The following AKT3 variants were observed in gnomAD, a reference collection of about 807,000 sequenced individuals.
AKT3 encodes the protein AKT serine/threonine kinase 3, also known as RAC-gamma serine/threonine-protein kinase.
In AKT3, 15 loss-of-function variants were observed where a neutral mutation model predicts 65.3. The ratio of observed to expected loss-of-function variants is 0.23; its 90% CI spans 0.15 to 0.35. The LOEUF (loss-of-function observed/expected upper bound fraction) is 0.35, where lower values mean the gene tolerates loss of function less well. Ranked by LOEUF, AKT3 falls within the 10% of genes least tolerant of loss-of-function variation. The pLI is 1.00. For synonymous variants in AKT3, 206 were observed against 183.8 expected, an observed-to-expected ratio of 1.12 and a Z score of -0.98; for missense variants, 243 against 576.5, an observed-to-expected ratio of 0.42 and a Z score of 5.92.
chr1:243,488,869 CAGCCAG>C (rs1392267648), intron 13 of AKT3: 1 of 1,114,906 alleles, frequency 9.0e-7, no homozygotes, highest in Non-Finnish European at 1.3e-6. Context: ...GACCTAGTGC[CAGCCAG>C]AGCCTGGCAC....
chr1:243,559,533 C>G (rs562475025), intron 10 of AKT3, among the ~76,000 whole-genome samples: 1 of 152,110 alleles, frequency 6.6e-6, no homozygotes, highest in Non-Finnish European at 1.5e-5. Context: ...TCACTTAAAA[C>G]TCAAGTTTAT....
intron 2 of AKT3, among the ~76,000 whole-genome samples, chr1:243,760,382 C>T (rs923258909): frequency 6.9e-6 from 1 of 145,062 alleles, no homozygotes; most frequent in Non-Finnish European, 1.5e-5. Flanking sequence ...CAGCTTCAGC[C>T]TCCCAAAGTG....
chr1:243,492,338 G>A (rs1294196792), intron 13 of AKT3, among the ~76,000 whole-genome samples: 3 of 107,628 alleles, frequency 2.8e-5, no homozygotes, highest in Admixed American at 3.0e-4. Context: ...GTCTTGCTCC[G>A]TCACCCGGAC....
At chr1:243,547,451 G>A (rs1275193234) in intron 11 of AKT3, among the ~76,000 whole-genome samples, 1 of 152,128 alleles carries the variant, frequency 6.6e-6, no homozygotes, top group Non-Finnish European at 1.5e-5. Flanking sequence ...GCTGGTATAT[G>A]CTAACTCCAA....
At chr1:243,819,600 T>C (rs1392402891) in intron 2 of AKT3, among the ~76,000 whole-genome samples, 1 of 151,968 alleles carries the variant, frequency 6.6e-6, no homozygotes, top group South Asian at 2.1e-4. Context: ...TCCAGAGGAG[T>C]GTGACAATCC....
At chr1:243,725,088 T>C (rs1215245884) in intron 2 of AKT3, among the ~76,000 whole-genome samples, 1 of 151,520 alleles carries the variant, frequency 6.6e-6, no homozygotes, top group Non-Finnish European at 1.5e-5. Flanking sequence ...TGCATGCCCG[T>C]AGTTCTAGCT....
chr1:243,770,526 G>C (rs1219285363), intron 2 of AKT3, among the ~76,000 whole-genome samples: 3 of 151,996 alleles, frequency 2.0e-5, no homozygotes, highest in South Asian at 2.1e-4. Flanking sequence ...GAAGCTGCAT[G>C]TATATGAGAA....
chr1:243,627,758 T>G (rs1286728614), intron 6 of AKT3, among the ~76,000 whole-genome samples: 2 of 152,242 alleles, frequency 1.3e-5, no homozygotes, highest in South Asian at 2.1e-4. Flanking sequence ...TAAATTGCTC[T>G]TATTACATAA....
At chr1:243,571,693 T>C (rs1574629774) in intron 9 of AKT3, among the ~76,000 whole-genome samples, 1 of 152,174 alleles carries the variant, frequency 6.6e-6, no homozygotes, top group Admixed American at 6.5e-5. Context: ...TTTAAAGAAA[T>C]TGATATTTAA....
rs568028629 is a variant in AKT3, at chr1:243,786,157, G to C, written c.46+56968C>G. Among the ~76,000 whole-genome samples, 3 of 152,236 alleles carry C rather than the reference G, an allele frequency of 2.0e-5. No homozygotes were observed. In the East Asian group the frequency reaches 5.8e-4, roughly 29 times the overall value. On this transcript the variant is annotated intron_variant, in intron 2 of 13. Transcript: ENST00000673466. ...CTATGTTTTGTTAACAAAAACACAA[G>C]GGAAATGCACTGACCTAAGGTTATC...
At chr1:243,491,848 T>G (rs1666497176) in intron 13 of AKT3, among the ~76,000 whole-genome samples, 4 of 152,250 alleles carry the variant, frequency 2.6e-5, no homozygotes, top group Admixed American at 2.6e-4. Flanking sequence ...ATGTCCGGGT[T>G]AGAGATGGTT....
At chr1:243,688,455 G>A (rs769157737) in intron 3 of AKT3, among the ~76,000 whole-genome samples, 4 of 152,122 alleles carry the variant, frequency 2.6e-5, no homozygotes, top group South Asian at 2.1e-4. Context: ...TCTAAGCAAG[G>A]AGAACGGTAT....
chr1:243,757,573 G>C (rs191256904), intron 2 of AKT3, among the ~76,000 whole-genome samples: 1 of 152,022 alleles, frequency 6.6e-6, no homozygotes, highest in East Asian at 1.9e-4. Context: ...AGCCAAGATC[G>C]TGCCACTGCA....
At chr1:243,714,831 A>G (rs1572216832) in intron 2 of AKT3, among the ~76,000 whole-genome samples, 2 of 152,142 alleles carry the variant, frequency 1.3e-5, no homozygotes. Flanking sequence ...GGCACAATAT[A>G]TATCAAAATA....
chr1:243,619,822 C>G (rs2926012), intron 6 of AKT3, among the ~76,000 whole-genome samples: 20,961 of 93,934 alleles, frequency 0.22, 8,595 homozygotes, highest in South Asian at 0.4. Context: ...GATGTCTCCC[C>G]GATATGATGA....
intron 2 of AKT3, among the ~76,000 whole-genome samples, chr1:243,746,959 A>T (rs1474088385): frequency 6.6e-6 from 1 of 152,144 alleles, no homozygotes. Flanking sequence ...GTTTAACAAC[A>T]ATCATCAAAA....
rs1423368045 is a variant in AKT3, at chr1:243,817,342, T to C, written c.46+25783A>G. Among the ~76,000 whole-genome samples, 4 of 152,230 alleles carry C rather than the reference T, an allele frequency of 2.6e-5. No homozygotes were observed. In the East Asian group the frequency reaches 7.7e-4, roughly 29 times the overall value. On this transcript the variant is annotated intron_variant, in intron 2 of 13. Transcript: ENST00000673466. ...ACACAGCATTGGTAACTGATGTAGCTATAATGATCTACAACAACACGACAC... is the reference window on the plus strand; with the variant it reads ...ACACAGCATTGGTAACTGATGTAGCCATAATGATCTACAACAACACGACAC...
chr1:243,753,345 G>A (rs927025486), intron 2 of AKT3, among the ~76,000 whole-genome samples: 17 of 152,254 alleles, frequency 1.1e-4, no homozygotes, highest in Middle Eastern at 3.4e-3. Context: ...AAGTTCCTAC[G>A]TAAGCAGATT....
At chr1:243,686,630 C>CACATATAT (rs1684318681) in intron 3 of AKT3, among the ~76,000 whole-genome samples, 2 of 18,860 alleles carry the variant, frequency 1.1e-4, no homozygotes, top group African/African-American at 3.4e-4. Flanking sequence ...AAATTGTTTT[C>CACATATAT]ATATATATAT....
Sources: gnomAD v4.1 joint callset for allele counts (sites outside exome capture counted in the v4.1 genomes callset) on GRCh38, gnomAD v4.1.1 for gene constraint, MANE v1.5 for transcripts, NCBI Gene and HGNC (gene_info 2026-07-23, HGNC 2026-07-21) for gene names.